PTPRT: variants seen among roughly 807,000 people sequenced by gnomAD.
PTPRT encodes the protein protein tyrosine phosphatase receptor type T.
A neutral mutation model predicts 176.8 loss-of-function variants in PTPRT; 56 were observed. That is an observed-to-expected ratio of 0.32 (90% confidence interval 0.26 to 0.40). The LOEUF (loss-of-function observed/expected upper bound fraction) is 0.40, where lower values mean the gene tolerates loss of function less well. PTPRT is among the 10% of genes least tolerant of loss of function. The pLI is 1.00. For synonymous variants in PTPRT, 783 were observed against 739.0 expected, an observed-to-expected ratio of 1.06 and a Z score of -0.96; for missense variants, 1,540 against 1,908.2, an observed-to-expected ratio of 0.81 and a Z score of 3.60.
At chr20:42,490,880 A>T (rs1290750006) in intron 7 of PTPRT, among the ~76,000 whole-genome samples, 2 of 152,192 alleles carry the variant, frequency 1.3e-5, no homozygotes, top group Non-Finnish European at 2.9e-5. Flanking sequence ...GGTTTTAAAA[A>T]ATAATCATAA....
chr20:42,101,221 T>C (rs541554876), intron 26 of PTPRT, among the ~76,000 whole-genome samples: 1 of 152,288 alleles, frequency 6.6e-6, no homozygotes, highest in African/African-American at 2.4e-5. Context: ...ATCCACCAAA[T>C]TGCAGGGAGG....
intron 7 of PTPRT, among the ~76,000 whole-genome samples, chr20:42,514,898 C>T (rs991238017): frequency 1.3e-5 from 2 of 152,170 alleles, no homozygotes; most frequent in Non-Finnish European, 2.9e-5. Flanking sequence ...ACTTGTAAAT[C>T]CCTGTACTAA....
intron 1 of PTPRT, among the ~76,000 whole-genome samples, chr20:43,053,898 A>G (rs1987140763): frequency 6.6e-6 from 1 of 152,250 alleles, no homozygotes; most frequent in Non-Finnish European, 1.5e-5. Context: ...TTTCTAAGAA[A>G]TTAATACATA....
intron 5 of PTPRT, among the ~76,000 whole-genome samples, chr20:42,762,832 G>A (rs376845149): frequency 5.2e-4 from 79 of 152,338 alleles, no homozygotes; most frequent in African/African-American, 1.9e-3. Flanking sequence ...TTATGTTTAT[G>A]TTTCTCTGAT....
At chr20:42,948,151 T>C (rs1981006582) in intron 1 of PTPRT, among the ~76,000 whole-genome samples, 1 of 152,206 alleles carries the variant, frequency 6.6e-6, no homozygotes, top group African/African-American at 2.4e-5. Context: ...CATCTCAGCC[T>C]CTTTATGGTG....
rs373224927 is a variant in PTPRT at position 42,469,789 on chromosome 20, A to C, written c.1450+2477T>G. Among the ~76,000 whole-genome samples the C allele has an allele frequency of 3.3e-5, 5 of 149,876 alleles. No individual in the cohort carries two copies. The East Asian group carries it at 9.9e-4, about 30-fold the overall frequency. ...GAAGGGTGTAAGGGAGGGATGGATC[A>C]TCAAAGTAGACTGTGTAAAACTTCC... On this transcript the variant is annotated intron_variant, in intron 8 of 30. Coordinates refer to ENST00000373187, the MANE Select transcript of PTPRT (RefSeq NM_007050.6).
chr20:42,593,813 T>C (rs1410551569), intron 7 of PTPRT, among the ~76,000 whole-genome samples: 1 of 152,212 alleles, frequency 6.6e-6, no homozygotes, highest in Non-Finnish European at 1.5e-5. Context: ...AACACCACTT[T>C]GCATTTTTTA....
intron 7 of PTPRT, among the ~76,000 whole-genome samples, chr20:42,526,956 C>CTTT (rs915511549): frequency 0.011 from 839 of 78,746 alleles, 17 homozygotes; most frequent in African/African-American, 0.019. Flanking sequence ...GTTCTTTTTT[C>CTTT]TTTTTTTTTT....
intron 16 of PTPRT, among the ~76,000 whole-genome samples, chr20:42,186,168 C>T (rs959402802): frequency 6.6e-6 from 1 of 151,870 alleles, no homozygotes; most frequent in Non-Finnish European, 1.5e-5. Flanking sequence ...AGTTGGAAAA[C>T]ATTTCTGTCA....
intron 7 of PTPRT, among the ~76,000 whole-genome samples, chr20:42,632,447 A>T (rs1185647875): frequency 6.6e-6 from 1 of 151,326 alleles, no homozygotes; most frequent in Non-Finnish European, 1.5e-5. Flanking sequence ...CTGGTCTCGA[A>T]CTCCTGACTT....
chr20:42,778,541 T>C (rs1282554240), intron 4 of PTPRT, among the ~76,000 whole-genome samples: 2 of 152,046 alleles, frequency 1.3e-5, no homozygotes, highest in African/African-American at 2.4e-5. Flanking sequence ...TCTGAGTGGA[T>C]GGGATGTAGG....
intron 1 of PTPRT, among the ~76,000 whole-genome samples, chr20:43,013,274 G>A (rs1338603972): frequency 6.6e-6 from 1 of 152,094 alleles, no homozygotes; most frequent in Admixed American, 6.6e-5. Flanking sequence ...TCGCCTAAAT[G>A]ACCCATGTGT....
At chr20:42,433,280 C>T (rs1434199688) in intron 9 of PTPRT, among the ~76,000 whole-genome samples, 2 of 152,012 alleles carry the variant, frequency 1.3e-5, no homozygotes, top group Admixed American at 1.3e-4. Context: ...CTGCAACATG[C>T]TTATACTGCA....
At chr20:42,418,180 C>A (rs2059083925) in intron 9 of PTPRT, among the ~76,000 whole-genome samples, 1 of 152,220 alleles carries the variant, frequency 6.6e-6, no homozygotes, top group Non-Finnish European at 1.5e-5. Context: ...TATAAAATAT[C>A]TTGTTCATAT....
At chr20:42,184,518 C>CCTCCTTCTTCTTCTTCTTCTTCTTCTT (rs1555797922) in intron 16 of PTPRT, among the ~76,000 whole-genome samples, 5 of 54,394 alleles carry the variant, frequency 9.2e-5, no homozygotes, top group Non-Finnish European at 1.4e-4. Context: ...TCCTCCTCCT[C>CCTCCTTCTTCTTCTTCTTCTTCTTCTT]CTTCTTCTTC....
chr20:43,061,213 A>T (rs1210241711), intron 1 of PTPRT, among the ~76,000 whole-genome samples: 1 of 151,808 alleles, frequency 6.6e-6, no homozygotes, highest in Non-Finnish European at 1.5e-5. Context: ...ATTCCTCTTA[A>T]CTCCTTTCCG....
chr20:42,342,532 A>G lies in PTPRT; in HGVS notation c.1865+8096T>C, dbSNP rs139613407. ...AACTAAGTGAATAAATGAGGTTTGG[A>G]GAAAGAGTGTCTAAATGTAATTACA... On this transcript the variant is annotated intron_variant, in intron 11 of 30. Coordinates refer to ENST00000373187, the MANE Select transcript of PTPRT (RefSeq NM_007050.6). Among the ~76,000 whole-genome samples the G allele has an allele frequency of 5.4e-3, 817 of 152,352 alleles. 9 individuals carry two copies. The highest frequency in any genetic ancestry group is 0.018 in the African/African-American group (767 of 41,582).
At position 42,506,245 on chromosome 20, in the gene PTPRT, G is replaced by A. The variant is rs191734944; in HGVS notation, c.1154-33683C>T. On this transcript the variant is annotated intron_variant, in intron 7 of 30. Transcript: ENST00000373187. ...TTATCAATAAGTATGTGTACATATG[G>A]GGAATATGTGCTCAGAAATGTTTTA... is the stretch of plus-strand genomic sequence containing the variant. 5.9e-5 allele frequency among the ~76,000 whole-genome samples: 9 copies of A among 152,134 alleles called. No homozygotes were observed. In the East Asian group the frequency reaches 1.7e-3, roughly 29 times the overall value.
chr20:43,055,312 A>T (rs193200960), intron 1 of PTPRT, among the ~76,000 whole-genome samples: 312 of 152,334 alleles, frequency 2.0e-3, no homozygotes, highest in South Asian at 7.4e-3. Flanking sequence ...ATGAAGCCTG[A>T]TTGGAAGCAC....
Sources: allele counts gnomAD v4.1 joint callset (sites outside exome capture counted in the v4.1 genomes callset), GRCh38; gene constraint gnomAD v4.1.1; transcripts MANE v1.5; gene names NCBI Gene and HGNC (gene_info 2026-07-23, HGNC 2026-07-21).